Variants in FAF1 observed in about 807,000 individuals in gnomAD.
FAF1 encodes FAS-associated factor 1.
In FAF1, 25 loss-of-function variants were observed where a neutral mutation model predicts 92.5. The ratio of observed to expected loss-of-function variants is 0.27; its 90% CI spans 0.20 to 0.38. The LOEUF is 0.38. FAF1 is among the 10% of genes least tolerant of loss of function. The pLI is 1.00. For synonymous variants in FAF1, 234 were observed against 273.2 expected (o/e 0.86, Z 1.42); for missense variants, 636 against 793.3 (o/e 0.80, Z 2.38).
chr1:50,534,544 G>C (rs1222764671), intron 15 of FAF1, among the ~76,000 whole-genome samples: 2 of 152,100 alleles, frequency 1.3e-5, no homozygotes, highest in East Asian at 1.9e-4. Context: ...AAAGTGCTGG[G>C]ATTACAGGTG....
intron 7 of FAF1, among the ~76,000 whole-genome samples, chr1:50,690,453 T>C (rs1025339368): frequency 6.6e-6 from 1 of 151,904 alleles, no homozygotes; most frequent in African/African-American, 2.4e-5. Flanking sequence ...ATAAAACAAT[T>C]AGCTGGGTGT....
intron 15 of FAF1, among the ~76,000 whole-genome samples, chr1:50,517,664 T>A (rs1647269351): frequency 6.6e-6 from 1 of 152,214 alleles, no homozygotes; most frequent in African/African-American, 2.4e-5. Flanking sequence ...CACCAATGGC[T>A]GCAGTCTATA....
intron 7 of FAF1, among the ~76,000 whole-genome samples, chr1:50,682,680 C>G (rs1254050165): frequency 6.6e-6 from 1 of 152,170 alleles, no homozygotes; most frequent in Non-Finnish European, 1.5e-5. Flanking sequence ...CTGGTATTAT[C>G]TCAGCCATTT....
chr1:50,705,908 A>G lies in FAF1; in HGVS notation c.552-17T>C. On this transcript the variant is annotated splice_polypyrimidine_tract_variant and intron_variant, in intron 6 of 18. Transcript: ENST00000396153. ...TGCAGGGCACTGAAAGGGTTGAAAG[A>G]AAAACAAGGAACTCAGAGATGAACA... The G allele has an allele frequency of 6.8e-7, 1 of 1,480,762 alleles. No homozygotes were observed. 91.7% of individuals were successfully genotyped at this position (1,480,762 alleles called of 1,614,324 possible).
chr1:50,539,490 G>A lies in FAF1; in HGVS notation c.1405+102C>T, dbSNP rs1414608151. ...TTCAGGATATTCTATATTTTCAAAT[G>A]CAAAGATATTTACTAATAGAAATAT... is the stretch of plus-strand genomic sequence containing the variant. On this transcript the variant is annotated intron_variant, in intron 14 of 18. Transcript: ENST00000396153. 50 of 731,014 alleles carry A rather than the reference G, an allele frequency of 6.8e-5. No individual in the cohort carries two copies. In the East Asian group the frequency reaches 1.4e-3, roughly 21 times the overall value. The allele number at this position is 731,014 out of a possible 1,614,324, so 45.3% of individuals were successfully genotyped here. A position where few individuals can be genotyped will look rare whatever the true frequency, so the allele number is the denominator to read the frequency against.
intron 18 of FAF1, among the ~76,000 whole-genome samples, chr1:50,452,613 C>A (rs1049917120): frequency 3.3e-5 from 5 of 152,164 alleles, no homozygotes; most frequent in African/African-American, 1.2e-4. Flanking sequence ...ATGCTAACCA[C>A]TGTGTTTGGA....
intron 8 of FAF1, among the ~76,000 whole-genome samples, chr1:50,630,651 T>C (rs1292650909): frequency 1.3e-5 from 2 of 152,130 alleles, no homozygotes; most frequent in African/African-American, 4.8e-5. Flanking sequence ...ATTAAAGACC[T>C]TCTCAGTGGA....
At chr1:50,865,474 G>C (rs1644472620) in intron 1 of FAF1, among the ~76,000 whole-genome samples, 1 of 146,562 alleles carries the variant, frequency 6.8e-6, no homozygotes, top group Non-Finnish European at 1.5e-5. Context: ...TTAAGAAAAT[G>C]TGGCACATAT....
At position 50,960,060 on chromosome 1, in the gene FAF1, C is replaced by T; in HGVS notation, c.-249G>A. The T allele has an allele frequency of 2.5e-6, 1 of 395,528 alleles. No individual in the cohort carries two copies. Among genetic ancestry groups the T allele is most frequent in the Non-Finnish European group, 4.5e-6 (1 of 224,114 alleles). 24.5% of individuals were successfully genotyped at this position (395,528 alleles called of 1,614,324 possible). ...CCTGCGGAGCCCGCGTCGCAGCAGC[C>T]CGGACAGGAAGATTGGTCTGGATGT... On this transcript the variant is annotated 5_prime_UTR_variant, in exon 1 of 19. Transcript: ENST00000396153.
chr1:50,558,837 T>C (rs1429887212), intron 13 of FAF1, among the ~76,000 whole-genome samples: 2 of 152,216 alleles, frequency 1.3e-5, no homozygotes, highest in African/African-American at 2.4e-5. Flanking sequence ...ATACGATGCA[T>C]GTGCAACCAG....
At chr1:50,449,870 T>G (rs921964758) in intron 18 of FAF1, among the ~76,000 whole-genome samples, 8 of 152,056 alleles carry the variant, frequency 5.3e-5, no homozygotes, top group African/African-American at 1.9e-4. Flanking sequence ...TATCAGAAGC[T>G]TAATAAGTAA....
chr1:50,855,091 A>C (rs1644380356), intron 2 of FAF1, among the ~76,000 whole-genome samples: 1 of 151,910 alleles, frequency 6.6e-6, no homozygotes, highest in Non-Finnish European at 1.5e-5. Context: ...TAATGTAAAT[A>C]TACCAAAATC....
At chr1:50,693,311 T>C (rs1320780701) in intron 7 of FAF1, among the ~76,000 whole-genome samples, 1 of 152,182 alleles carries the variant, frequency 6.6e-6, no homozygotes, top group East Asian at 1.9e-4. Flanking sequence ...ATATGTTGAA[T>C]TTTCTTGGTA....
intron 8 of FAF1, among the ~76,000 whole-genome samples, chr1:50,639,333 A>C (rs1654210540): frequency 6.6e-6 from 1 of 152,190 alleles, no homozygotes; most frequent in African/African-American, 2.4e-5. Flanking sequence ...TTGTATGTTA[A>C]GTGTCTACTT....
chr1:50,713,463 G>C lies in FAF1; in HGVS notation c.552-7572C>G, dbSNP rs922200765. Among the ~76,000 whole-genome samples, 4 of 152,040 alleles carry C rather than the reference G, an allele frequency of 2.6e-5. No individual in the cohort carries two copies. The South Asian group carries it at 6.2e-4, about 24-fold the overall frequency. On this transcript the variant is annotated intron_variant, in intron 6 of 18. Transcript: ENST00000396153. ...TAATTTTTGTATTTTTAGTAGAGAC[G>C]GTGTTTCACTATGTTGGCCAGGCTG...
chr1:50,566,314 G>A (rs1303435518), intron 13 of FAF1, among the ~76,000 whole-genome samples: 6 of 152,028 alleles, frequency 3.9e-5, no homozygotes, highest in African/African-American at 1.4e-4. Context: ...AAATATGCTT[G>A]CCTTGAAATG....
At chr1:50,594,515 A>C (rs1432361421) in intron 9 of FAF1, among the ~76,000 whole-genome samples, 4 of 151,790 alleles carry the variant, frequency 2.6e-5, no homozygotes, top group African/African-American at 9.7e-5. Context: ...GTTGGGCATG[A>C]AAGTGCTGTT....
intron 1 of FAF1, among the ~76,000 whole-genome samples, chr1:50,905,890 C>T (rs1644833817): frequency 6.6e-6 from 1 of 152,104 alleles, no homozygotes; most frequent in South Asian, 2.1e-4. Flanking sequence ...TAATTAGATC[C>T]CGTTTGTCAA....
intron 15 of FAF1, among the ~76,000 whole-genome samples, chr1:50,524,048 G>A (rs763426351): frequency 2.3e-4 from 35 of 152,074 alleles, no homozygotes; most frequent in Non-Finnish European, 4.0e-4. Context: ...AACCTCGCTA[G>A]CATCTATTTT....
Sources: gnomAD v4.1 joint callset for allele counts (sites outside exome capture counted in the v4.1 genomes callset) on GRCh38, gnomAD v4.1.1 for gene constraint, MANE v1.5 for transcripts, NCBI Gene and HGNC (gene_info 2026-07-23, HGNC 2026-07-21) for gene names.